Variants in PTPRD observed in about 807,000 individuals in gnomAD.
The protein encoded by PTPRD is protein tyrosine phosphatase receptor type D, also known as receptor-type tyrosine-protein phosphatase delta.
PTPRD carries 34 observed loss-of-function variants against 214.5 expected under a neutral mutation model. That is an observed-to-expected ratio of 0.16 (90% confidence interval 0.12 to 0.21). The LOEUF (loss-of-function observed/expected upper bound fraction) is 0.21. PTPRD is among the 10% of genes least tolerant of loss of function. The probability of loss-of-function intolerance (pLI) is 1.00; values close to 1 mark genes in which losing one functional copy is unlikely to be tolerated. For missense variants in PTPRD, 2,545 were observed against 2,398.7 expected, an observed-to-expected ratio of 1.06 and a Z score of -1.27; for synonymous variants, 1,128 against 845.7, an observed-to-expected ratio of 1.33 and a Z score of -5.79.
At chr9:10,582,939 G>T (rs1343289743) in intron 2 of PTPRD, among the ~76,000 whole-genome samples, 1 of 152,130 alleles carries the variant, frequency 6.6e-6, no homozygotes, top group Admixed American at 6.5e-5. Flanking sequence ...AATGACATAG[G>T]ATAGAGGGAG....
At position 10,478,094 on chromosome 9, in the gene PTPRD, A is replaced by G. The variant is rs571170728; in HGVS notation, c.-600+134304T>C. ...AAACCACCATGGTACATGTATACCTATGTAACAAACCTGCACGTTTAGCAC... is the reference window on the plus strand; with the variant it reads ...AAACCACCATGGTACATGTATACCTGTGTAACAAACCTGCACGTTTAGCAC... On this transcript the variant is annotated intron_variant, in intron 2 of 45. Coordinates refer to ENST00000381196, the MANE Select transcript of PTPRD (RefSeq NM_002839.4). Among the ~76,000 whole-genome samples, 5 of 152,234 alleles carry G rather than the reference A, an allele frequency of 3.3e-5. No homozygotes were observed. The East Asian group carries it at 7.8e-4, about 24-fold the overall frequency.
At chr9:9,742,322 T>G (rs1369981165) in intron 6 of PTPRD, among the ~76,000 whole-genome samples, 1 of 152,168 alleles carries the variant, frequency 6.6e-6, no homozygotes, top group Admixed American at 6.5e-5. Context: ...CAAGATGGAA[T>G]GTTCTTCAGC....
At chr9:10,480,136 T>A (rs532267314) in intron 2 of PTPRD, among the ~76,000 whole-genome samples, 9 of 141,742 alleles carry the variant, frequency 6.3e-5, no homozygotes, top group Admixed American at 5.8e-4. Context: ...AAACAAAAAA[T>A]TAAACAGAAG....
At chr9:10,039,649 G>T (rs1374289008) in intron 3 of PTPRD, among the ~76,000 whole-genome samples, 1 of 151,806 alleles carries the variant, frequency 6.6e-6, no homozygotes, top group Non-Finnish European at 1.5e-5. Context: ...AAGTCACTAA[G>T]TATGGCCCTC....
chr9:9,555,613 A>G (rs1393041081), intron 8 of PTPRD, among the ~76,000 whole-genome samples: 1 of 152,036 alleles, frequency 6.6e-6, no homozygotes, highest in African/African-American at 2.4e-5. Context: ...TTTGCTTTCT[A>G]TTTTAGAAAT....
chr9:8,341,407 C>T, intron 40 of PTPRD, 139 bp from the exon 41 acceptor site: 2 of 933,094 alleles, frequency 2.1e-6, no homozygotes, highest in Non-Finnish European at 3.1e-6. Flanking sequence ...TCAAATTGTA[C>T]TGCTTTTCAC....
chr9:9,797,129 G>C (rs1485702702), intron 5 of PTPRD, among the ~76,000 whole-genome samples: 1 of 151,452 alleles, frequency 6.6e-6, no homozygotes, highest in Non-Finnish European at 1.5e-5. Context: ...TTAGAAGAGA[G>C]TGTTACAAAG....
chr9:9,501,553 C>T (rs1237176847), intron 8 of PTPRD, among the ~76,000 whole-genome samples: 1 of 151,824 alleles, frequency 6.6e-6, no homozygotes, highest in African/African-American at 2.4e-5. Flanking sequence ...ATAACACAAT[C>T]AACAATCTTG....
chr9:10,593,603 T>A (rs2076002964), intron 2 of PTPRD, among the ~76,000 whole-genome samples: 1 of 151,976 alleles, frequency 6.6e-6, no homozygotes, highest in Non-Finnish European at 1.5e-5. Flanking sequence ...ATGTCTATAT[T>A]TATTTAAGGC....
At chr9:8,707,918 G>T (rs957037509) in intron 12 of PTPRD, among the ~76,000 whole-genome samples, 14 of 152,110 alleles carry the variant, frequency 9.2e-5, no homozygotes, top group African/African-American at 3.4e-4. Context: ...TGATCATAGT[G>T]CAAGTTTCCT....
intron 5 of PTPRD, among the ~76,000 whole-genome samples, chr9:9,899,027 A>G (rs2153802930): frequency 6.6e-6 from 1 of 152,252 alleles, no homozygotes; most frequent in African/African-American, 2.4e-5. Flanking sequence ...TGTAACTAAT[A>G]AGTGAGTTTT....
chr9:9,057,938 T>G (rs760746570), intron 10 of PTPRD, among the ~76,000 whole-genome samples: 1 of 152,184 alleles, frequency 6.6e-6, no homozygotes, highest in African/African-American at 2.4e-5. Flanking sequence ...GCTACAATCA[T>G]TAAGAAGAAA....
At chr9:9,740,297 A>T (rs1037076429) in intron 6 of PTPRD, among the ~76,000 whole-genome samples, 1 of 151,920 alleles carries the variant, frequency 6.6e-6, no homozygotes, top group Admixed American at 6.6e-5. Flanking sequence ...CATTTGAAAT[A>T]TTCATAGTCT....
chr9:9,564,842 T>C (rs1336838761), intron 8 of PTPRD, among the ~76,000 whole-genome samples: 1 of 140,954 alleles, frequency 7.1e-6, no homozygotes, highest in Non-Finnish European at 1.5e-5. Context: ...TTGTTCTGCC[T>C]CCAGAAATGT....
chr9:9,001,475 G>T (rs2099418090), intron 11 of PTPRD, among the ~76,000 whole-genome samples: 1 of 151,956 alleles, frequency 6.6e-6, no homozygotes, highest in South Asian at 2.1e-4. Flanking sequence ...GCTTGCTTCA[G>T]GTAAACACCT....
At chr9:10,004,106 T>C (rs2096406409) in intron 4 of PTPRD, among the ~76,000 whole-genome samples, 1 of 151,908 alleles carries the variant, frequency 6.6e-6, no homozygotes, top group African/African-American at 2.4e-5. Flanking sequence ...ATACTCAGCA[T>C]GTGGCTACAA....
rs142090671 is a variant in PTPRD at position 8,490,832 on chromosome 9, CA to C, written c.2467+2029del. On this transcript the variant is annotated intron_variant, in intron 27 of 45. Transcript: ENST00000381196. ...AACAAGGTATAATAAACAAATATCC[CA>C]CAATCAGGAAGTTTACTATTAAAAT... 1.8e-4 allele frequency among the ~76,000 whole-genome samples: 27 copies of C among 152,212 alleles called. 1 individual carries two copies. The East Asian group carries it at 4.3e-3, about 24-fold the overall frequency.
At chr9:10,198,775 ATAAT>A in intron 3 of PTPRD, among the ~76,000 whole-genome samples, 1 of 152,216 alleles carries the variant, frequency 6.6e-6, no homozygotes, top group African/African-American at 2.4e-5. Flanking sequence ...ATTCCCAGTG[ATAAT>A]TTATTTTATC....
intron 8 of PTPRD, among the ~76,000 whole-genome samples, chr9:9,410,073 G>C (rs914804): frequency 0.8 from 121,296 of 152,078 alleles, 48,513 homozygotes; most frequent in Non-Finnish European, 0.82. Flanking sequence ...GAAAATTATA[G>C]TAAGGTTCAC....
Sources: gnomAD v4.1 joint callset for allele counts (sites outside exome capture counted in the v4.1 genomes callset) on GRCh38, gnomAD v4.1.1 for gene constraint, MANE v1.5 for transcripts, NCBI Gene and HGNC (gene_info 2026-07-23, HGNC 2026-07-21) for gene names.